OR3A3: variants seen among roughly 807,000 people sequenced by gnomAD.
OR3A3 encodes the protein olfactory receptor 3A3.
For missense variants in OR3A3, 275 were observed against 391.4 expected, an observed-to-expected ratio of 0.70 and a Z score of 2.51; for synonymous variants, 103 against 163.9, an observed-to-expected ratio of 0.63 and a Z score of 2.84.
intron 2 of OR3A3, among the ~76,000 whole-genome samples, chr17:3,418,103 T>C (rs1234469831): frequency 6.6e-6 from 1 of 152,228 alleles, no homozygotes; most frequent in African/African-American, 2.4e-5. Flanking sequence ...GTTTATTACA[T>C]GTTTTAAGTT....
chr17:3,411,813 A>G (rs1410251593), intron 1 of OR3A3, among the ~76,000 whole-genome samples, 165 bp from the exon 2 acceptor site: 1 of 152,212 alleles, frequency 6.6e-6, no homozygotes, highest in African/African-American at 2.4e-5. Flanking sequence ...AGCAGAGCCG[A>G]CATCATCTGC....
intron 2 of OR3A3, among the ~76,000 whole-genome samples, chr17:3,415,429 C>T (rs1432378590): frequency 6.6e-6 from 1 of 151,260 alleles, no homozygotes; most frequent in African/African-American, 2.4e-5. Flanking sequence ...GACGTGGTGG[C>T]GGGTGCCTGT....
In OR3A3 at chr17:3,414,133, G is replaced by A. The variant is rs373427724; in HGVS notation, c.-7+1962G>A. On this transcript the variant is annotated intron_variant, in intron 2 of 2. Transcript: ENST00000641141. ...GTCGCCCAGGCTGGAGTGCAGTGGC[G>A]CAATTTCAGCTCACTGCAACCTCCA... is the stretch of plus-strand genomic sequence containing the variant. Among the ~76,000 whole-genome samples the A allele has an allele frequency of 9.3e-4, 141 of 151,990 alleles. 2 individuals carry two copies. In the South Asian group the frequency reaches 0.014, roughly 15 times the overall value.
chr17:3,415,553 C>T (rs2072385344), intron 2 of OR3A3, among the ~76,000 whole-genome samples: 1 of 127,958 alleles, frequency 7.8e-6, no homozygotes, highest in Non-Finnish European at 1.7e-5. Context: ...AAAAGCGAAA[C>T]TCCAACTCAA....
intron 2 of OR3A3, among the ~76,000 whole-genome samples, chr17:3,416,329 T>C (rs998886207): frequency 1.3e-5 from 2 of 152,188 alleles, no homozygotes; most frequent in Non-Finnish European, 2.9e-5. Flanking sequence ...AAATCCCAAA[T>C]ACTTATGGTT....
chr17:3,423,162 C>T (rs2072447461), exon 3 of OR3A3: 1 of 152,230 alleles, frequency 6.6e-6, no homozygotes, highest in African/African-American at 2.4e-5. Context: ...CTTGTGTCCA[C>T]CTGTACCATA....
At chr17:3,418,820 A>G (rs776118107) in intron 2 of OR3A3, among the ~76,000 whole-genome samples, 11 of 152,180 alleles carry the variant, frequency 7.2e-5, no homozygotes, top group Non-Finnish European at 1.0e-4. Flanking sequence ...CTCAAGCCCT[A>G]CTTGTCTCTA....
intron 2 of OR3A3, among the ~76,000 whole-genome samples, chr17:3,416,559 A>G (rs2150680879): frequency 6.6e-6 from 1 of 152,200 alleles, no homozygotes; most frequent in East Asian, 1.9e-4. Flanking sequence ...ATTAGTGGCA[A>G]TTGGAAGCTA....
exon 3 of OR3A3, chr17:3,423,625 G>A (rs759316718): frequency 6.6e-6 from 1 of 152,134 alleles, no homozygotes; most frequent in African/African-American, 2.4e-5. Context: ...AACCTCATCA[G>A]AGTTAACTCC....
chr17:3,414,847 G>C (rs1180543890), intron 2 of OR3A3, among the ~76,000 whole-genome samples: 1 of 152,032 alleles, frequency 6.6e-6, no homozygotes. Context: ...TTTACAAGTC[G>C]TAGCCACTGA....
exon 3 of OR3A3, chr17:3,423,953 G>GAAAAAAAAAAAAAAAAAAAAA (rs148900480): frequency 4.2e-5 from 5 of 120,040 alleles, no homozygotes; most frequent in Non-Finnish European, 3.4e-5. Context: ...CTCAAAAAAA[G>GAAAAAAAAAAAAAAAAAAAAA]AAAAAAAAAA....
exon 3 of OR3A3, chr17:3,421,472 G>C (rs1226431602): frequency 1.3e-6 from 2 of 1,574,460 alleles, no homozygotes; most frequent in Non-Finnish European, 1.7e-6. Flanking sequence ...TACAGCCTCA[G>C]AAATACTGAT....
chr17:3,419,729 C>CTTTTTTTT (rs564569456), intron 2 of OR3A3, among the ~76,000 whole-genome samples: 1 of 98,906 alleles, frequency 1.0e-5, no homozygotes, highest in African/African-American at 3.3e-5. Flanking sequence ...AAAATTCTAT[C>CTTTTTTTT]TTTTTTTTTT....
intron 2 of OR3A3, among the ~76,000 whole-genome samples, chr17:3,414,104 C>T (rs902122718): frequency 3.3e-5 from 5 of 152,014 alleles, no homozygotes; most frequent in South Asian, 2.1e-4. Flanking sequence ...GAGTCTCAGA[C>T]GGAGTCGCCC....
At chr17:3,421,082 T>G in exon 3 of OR3A3, 1 of 1,614,182 alleles carries the variant, frequency 6.2e-7, no homozygotes, top group Non-Finnish European at 8.5e-7. Flanking sequence ...ACTGTGGCCA[T>G]GTCCACGCTC....
intron 2 of OR3A3, among the ~76,000 whole-genome samples, chr17:3,416,245 C>G (rs2072390694): frequency 6.6e-6 from 1 of 152,124 alleles, no homozygotes; most frequent in Non-Finnish European, 1.5e-5. Flanking sequence ...CACATAATCT[C>G]CCTTTACATC....
intron 2 of OR3A3, among the ~76,000 whole-genome samples, chr17:3,415,798 AATTATTATTATTATTATTATTATT>A (rs71153352): frequency 1.5e-4 from 14 of 90,572 alleles, no homozygotes; most frequent in South Asian, 3.0e-4. Context: ...CTTATTTTTA[AATTATTATTATTATTATTATTATT>A]ATTATTATTA....
At chr17:3,414,220 C>T (rs560138935) in intron 2 of OR3A3, among the ~76,000 whole-genome samples, 25 of 152,232 alleles carry the variant, frequency 1.6e-4, no homozygotes, top group Admixed American at 9.8e-4. Flanking sequence ...TACAGGTGCC[C>T]GCCACCGCAC....
intron 2 of OR3A3, among the ~76,000 whole-genome samples, chr17:3,417,209 T>C (rs994363090): frequency 8.5e-5 from 13 of 152,178 alleles, no homozygotes; most frequent in African/African-American, 2.9e-4. Context: ...TTTTCTAATT[T>C]TTTACTATGG....
Sources: allele counts gnomAD v4.1 joint callset (sites outside exome capture counted in the v4.1 genomes callset), GRCh38; gene constraint gnomAD v4.1.1; transcripts MANE v1.5; gene names NCBI Gene and HGNC (gene_info 2026-07-23, HGNC 2026-07-21).